Variants in BEND6 observed in about 807,000 individuals in gnomAD.
BEND6 encodes the protein BEN domain containing 6, also known as BEN domain-containing protein 6.
Under a neutral mutation model 31.8 loss-of-function variants are expected in BEND6, and 24 were observed. The observed-to-expected ratio is 0.75, with a 90% CI of 0.55 to 1.06. The LOEUF (loss-of-function observed/expected upper bound fraction) is 1.06, where lower values mean the gene tolerates loss of function less well. BEND6 is among the 50% of genes least tolerant of loss of function. BEND6 has a pLI of 0.00. For missense variants in BEND6, 294 were observed against 327.4 expected, an observed-to-expected ratio of 0.90 and a Z score of 0.79; for synonymous variants, 109 against 114.6, an observed-to-expected ratio of 0.95 and a Z score of 0.31.
chr6:56,971,032 T>A (rs1825670540), intron 1 of BEND6, among the ~76,000 whole-genome samples: 1 of 152,226 alleles, frequency 6.6e-6, no homozygotes, highest in Admixed American at 6.5e-5. Context: ...TAACATTAAA[T>A]ACCTTAGTAT....
chr6:57,004,743 C>CT (rs1240527034), intron 3 of BEND6: 4 of 1,297,546 alleles, frequency 3.1e-6, no homozygotes, highest in Non-Finnish European at 4.4e-6. Context: ...ATTTGTGTGA[C>CT]TTCACTGAGA....
chr6:57,026,381 A>G lies in BEND6; in HGVS notation c.*309A>G, dbSNP rs995689047. Reference sequence around the variant, plus strand: ...TCCCAATCCCCAAATACCCCTCTGTACAGTTAATCTAACAGGATAGTCAGA... The same window carrying G: ...TCCCAATCCCCAAATACCCCTCTGTGCAGTTAATCTAACAGGATAGTCAGA... On this transcript the variant is annotated 3_prime_UTR_variant, in exon 7 of 7. Transcript: ENST00000370746. 7 of 152,232 alleles carry G rather than the reference A, an allele frequency of 4.6e-5. No homozygotes were observed. Among genetic ancestry groups the G allele is most frequent in the African/African-American group, 1.7e-4 (7 of 41,462 alleles). 9.4% of individuals were successfully genotyped at this position (152,232 alleles called of 1,614,324 possible).
At chr6:57,003,453 A>T in intron 3 of BEND6, among the ~76,000 whole-genome samples, 1 of 152,130 alleles carries the variant, frequency 6.6e-6, no homozygotes, top group East Asian at 1.9e-4. Context: ...ATGTGCTGTG[A>T]TTGCACCACT....
At chr6:57,014,453 T>C in intron 3 of BEND6, 1 of 1,475,654 alleles carries the variant, frequency 6.8e-7, no homozygotes, top group Non-Finnish European at 9.1e-7. Context: ...ACATGTTATT[T>C]GTCCTTAGGA....
intron 6 of BEND6, among the ~76,000 whole-genome samples, chr6:57,024,217 C>T (rs1827836226): frequency 6.6e-6 from 1 of 152,056 alleles, no homozygotes; most frequent in Admixed American, 6.6e-5. Context: ...GTCTTTTGAG[C>T]TTTGTAGTGG....
At chr6:56,978,519 T>C (rs1235482616) in intron 1 of BEND6, among the ~76,000 whole-genome samples, 1 of 152,220 alleles carries the variant, frequency 6.6e-6, no homozygotes, top group East Asian at 1.9e-4. Flanking sequence ...TTGGCCATTC[T>C]AAGTCTCTTA....
At chr6:57,010,564 T>C in intron 3 of BEND6, 1 of 452,316 alleles carries the variant, frequency 2.2e-6, no homozygotes, top group Non-Finnish European at 2.9e-6. Flanking sequence ...AGATGATGCC[T>C]GTGCTTTGCA....
chr6:56,967,046 A>G (rs1468043384), intron 1 of BEND6, among the ~76,000 whole-genome samples: 2 of 107,782 alleles, frequency 1.9e-5, no homozygotes, highest in African/African-American at 7.1e-5. Context: ...AGTGTAGATC[A>G]GGTACATTGT....
chr6:57,018,587 A>G (rs762845402), intron 6 of BEND6, 30 bp downstream of exon 6: 3 of 1,446,374 alleles, frequency 2.1e-6, no homozygotes, highest in Admixed American at 2.8e-5. Context: ...AGTCCTTTCA[A>G]TGTGGCAAGA....
chr6:56,984,492 A>G (rs886143711), intron 2 of BEND6, among the ~76,000 whole-genome samples: 4 of 152,320 alleles, frequency 2.6e-5, no homozygotes, highest in Middle Eastern at 3.4e-3. Context: ...GGAGAAAATG[A>G]TATCTCATTG....
chr6:57,015,026 A>T, intron 3 of BEND6, 107 bp from the exon 4 acceptor site: 1 of 795,150 alleles, frequency 1.3e-6, no homozygotes, highest in Non-Finnish European at 1.9e-6. Context: ...AGCAAATGTT[A>T]AGTTTGTTCT....
chr6:56,996,313 G>A (rs1002919594), intron 3 of BEND6, among the ~76,000 whole-genome samples: 1 of 152,122 alleles, frequency 6.6e-6, no homozygotes, highest in Non-Finnish European at 1.5e-5. Context: ...CAGGCATGGT[G>A]TTGCGTGCCT....
At chr6:56,979,697 T>C (rs1359723310) in intron 1 of BEND6, among the ~76,000 whole-genome samples, 2 of 152,248 alleles carry the variant, frequency 1.3e-5, no homozygotes, top group Non-Finnish European at 2.9e-5. Flanking sequence ...TTTGAAGTTT[T>C]GAAAATTTGA....
chr6:56,967,976 A>G (rs1825544613), intron 1 of BEND6, among the ~76,000 whole-genome samples: 1 of 152,242 alleles, frequency 6.6e-6, no homozygotes, highest in Admixed American at 6.5e-5. Flanking sequence ...TTAAATGCAT[A>G]GAATAGCACC....
chr6:56,961,680 G>A (rs78995554), intron 1 of BEND6, among the ~76,000 whole-genome samples: 1,523 of 152,252 alleles, frequency 0.01, 25 homozygotes, highest in African/African-American at 0.034. Flanking sequence ...TAGTCTTAAG[G>A]CCTAAAAGAG....
At chr6:57,024,551 C>T (rs1484558889) in intron 6 of BEND6, among the ~76,000 whole-genome samples, 6 of 151,966 alleles carry the variant, frequency 3.9e-5, no homozygotes, top group African/African-American at 4.8e-5. Context: ...TTCTGGCCTG[C>T]GTGGTTTCTG....
chr6:56,964,522 G>T (rs1825400422), intron 1 of BEND6, among the ~76,000 whole-genome samples: 2 of 150,850 alleles, frequency 1.3e-5, no homozygotes, highest in South Asian at 4.2e-4. Context: ...TTTTTTTTGA[G>T]ATGGGGGCTT....
intron 1 of BEND6, among the ~76,000 whole-genome samples, chr6:56,958,415 A>G (rs1825170200): frequency 1.3e-5 from 2 of 152,234 alleles, no homozygotes; most frequent in Non-Finnish European, 2.9e-5. Flanking sequence ...TAAGCTGTGT[A>G]ACAACCAGTT....
Position 56,969,507 on chromosome 6 carries a change from T to A in BEND6, c.-100-12204T>A, listed in dbSNP as rs1825613846. 2.0e-5 allele frequency among the ~76,000 whole-genome samples: 3 copies of A among 152,200 alleles called. No individual in the cohort carries two copies. The South Asian group carries it at 6.2e-4, about 32-fold the overall frequency. Reference sequence around the variant, plus strand: ...AGTTCATATTCTGACCTGAGTACTATAAGGGGTCTTTTATGTCTATACATT... The same window carrying A: ...AGTTCATATTCTGACCTGAGTACTAAAAGGGGTCTTTTATGTCTATACATT... On this transcript the variant is annotated intron_variant, in intron 1 of 6. Coordinates refer to ENST00000370746, the MANE Select transcript of BEND6 (RefSeq NM_152731.3).
Sources: allele counts gnomAD v4.1 joint callset (sites outside exome capture counted in the v4.1 genomes callset), GRCh38; gene constraint gnomAD v4.1.1; transcripts MANE v1.5; gene names NCBI Gene and HGNC (gene_info 2026-07-23, HGNC 2026-07-21).